The following KCNQ1 variants were observed in gnomAD, a reference collection of about 807,000 sequenced individuals.
The protein encoded by KCNQ1 is potassium voltage-gated channel subfamily KQT member 1.
Under a neutral mutation model 72.4 loss-of-function variants are expected in KCNQ1, and 49 were observed. The observed-to-expected ratio is 0.68, with a 90% CI of 0.54 to 0.86. The LOEUF is 0.86. KCNQ1 is among the 40% of genes least tolerant of loss of function. KCNQ1 has a pLI of 0.00. For synonymous variants in KCNQ1, 450 were observed against 412.6 expected (o/e 1.09, Z -1.10); for missense variants, 790 against 945.1 (o/e 0.84, Z 2.15).
At position 2,451,725 on chromosome 11, in the gene KCNQ1, C is replaced by T. The variant is rs577968130; in HGVS notation, c.386+6241C>T. Among the ~76,000 whole-genome samples, 23 of 152,308 alleles carry T rather than the reference C, an allele frequency of 1.5e-4. No homozygotes were observed. Among genetic ancestry groups the T allele is most frequent in the South Asian group, 4.1e-4 (2 of 4,826 alleles). On this transcript the variant is annotated intron_variant, in intron 1 of 15. Coordinates refer to ENST00000155840, the MANE Select transcript of KCNQ1 (RefSeq NM_000218.3). The surrounding 1 kb of genome is among the most constrained non-coding windows in gnomAD (Gnocchi z 6.4). ...GCTGACTCCAGGACAGGCCCCTGCC[C>T]GCTCTGGGACCTGGGGCCTGGGCTC...
chr11:2,571,428 C>G (rs200368609), intron 4 of KCNQ1, 25 bp downstream of exon 4: 1 of 1,591,370 alleles, frequency 6.3e-7, no homozygotes, highest in East Asian at 2.2e-5. Flanking sequence ...CAAGCTCCCC[C>G]CGCCATGCCG....
Position 2,677,518 on chromosome 11 carries a change from C to T in KCNQ1, c.1514+15437C>T, listed in dbSNP as rs1241124105. ...AATGATCCTCTCTGTGGAAGTGCTGCCAACATCCTCTGCCAAGTATAAAAG... is the reference window on the plus strand; with the variant it reads ...AATGATCCTCTCTGTGGAAGTGCTGTCAACATCCTCTGCCAAGTATAAAAG... On this transcript the variant is annotated intron_variant, in intron 11 of 15. Coordinates refer to ENST00000155840, the MANE Select transcript of KCNQ1 (RefSeq NM_000218.3). The surrounding 1 kb of genome is among the most constrained non-coding windows in gnomAD (Gnocchi z 4.5). 10 of 398,402 alleles carry T rather than the reference C, an allele frequency of 2.5e-5. No individual in the cohort carries two copies. The highest frequency in any genetic ancestry group is 2.2e-4 in the Admixed American group (5 of 22,710). 24.7% of individuals were successfully genotyped at this position (398,402 alleles called of 1,614,324 possible).
chr11:2,525,664 G>A (rs1847486763), intron 1 of KCNQ1, among the ~76,000 whole-genome samples: 1 of 152,244 alleles, frequency 6.6e-6, no homozygotes, highest in Admixed American at 6.5e-5. Context: ...CCCAAGGAGG[G>A]GTAGGGCTGC....
At chr11:2,607,824 A>G (rs796316555) in intron 10 of KCNQ1, among the ~76,000 whole-genome samples, 15 of 152,322 alleles carry the variant, frequency 9.8e-5, no homozygotes, top group African/African-American at 3.4e-4. Context: ...GTTATAATGT[A>G]TAATCCTTTT....
At chr11:2,739,261 CCT>C (rs747057899) in intron 11 of KCNQ1, among the ~76,000 whole-genome samples, 1 of 152,200 alleles carries the variant, frequency 6.6e-6, no homozygotes, top group Non-Finnish European at 1.5e-5. Flanking sequence ...CAACCCAGCC[CCT>C]GTGTGAGGTA....
chr11:2,677,246 G>T lies in KCNQ1; in HGVS notation c.1514+15165G>T. ...AAAGACAATATAAAGCACACACAAA[G>T]TAAAGAGGAACTTATAAAGAGGAAC... On this transcript the variant is annotated intron_variant, in intron 11 of 15. Transcript: ENST00000155840. This position sits in a 1 kb window ranked among gnomAD's most constrained non-coding sequence, Gnocchi z 4.5. The T allele has an allele frequency of 2.5e-6, 1 of 398,532 alleles. No individual in the cohort carries two copies. The highest frequency in any genetic ancestry group is 4.4e-6 in the Non-Finnish European group (1 of 226,044). 24.7% of individuals were successfully genotyped at this position (398,532 alleles called of 1,614,324 possible).
At position 2,676,219 on chromosome 11, in the gene KCNQ1, A is replaced by G. The variant is rs1280453884; in HGVS notation, c.1514+14138A>G. 2.5e-6 allele frequency: 1 copy of G among 398,546 alleles called. No homozygotes were observed. Among genetic ancestry groups the G allele is most frequent in the African/African-American group, 2.1e-5 (1 of 48,638 alleles). 24.7% of individuals were successfully genotyped at this position (398,546 alleles called of 1,614,324 possible). A position where few individuals can be genotyped will look rare whatever the true frequency, so the allele number is the denominator to read the frequency against. On this transcript the variant is annotated intron_variant, in intron 11 of 15. Coordinates refer to ENST00000155840, the MANE Select transcript of KCNQ1 (RefSeq NM_000218.3). This position sits in a 1 kb window ranked among gnomAD's most constrained non-coding sequence, Gnocchi z 4.2. ...ATACTTCTTTTTGAGCTGTACATAC[A>G]ATGCTGATTTATTATGGTGCAGTAC...
chr11:2,578,732 C>T (rs776130842), intron 6 of KCNQ1, among the ~76,000 whole-genome samples: 1 of 152,254 alleles, frequency 6.6e-6, no homozygotes, highest in Non-Finnish European at 1.5e-5. Flanking sequence ...TCTCCTGACT[C>T]CATCCTTAGG....
intron 11 of KCNQ1, among the ~76,000 whole-genome samples, chr11:2,742,925 C>T (rs1020131331): frequency 1.6e-4 from 25 of 152,194 alleles, no homozygotes; most frequent in African/African-American, 5.3e-4. Flanking sequence ...AAGACTGGAC[C>T]GAGAGGCCAC....
intron 11 of KCNQ1, among the ~76,000 whole-genome samples, chr11:2,739,277 A>G (rs1446127158): frequency 6.6e-6 from 1 of 152,180 alleles, no homozygotes; most frequent in African/African-American, 2.4e-5. Context: ...TGAGGTACTG[A>G]GAGCCCATCA....
At chr11:2,814,409 G>A (rs1439835450) in intron 15 of KCNQ1, among the ~76,000 whole-genome samples, 2 of 151,542 alleles carry the variant, frequency 1.3e-5, no homozygotes, top group Non-Finnish European at 2.9e-5. Context: ...ATAAAAGGAT[G>A]GTGGGTGGGT....
intron 1 of KCNQ1, among the ~76,000 whole-genome samples, chr11:2,517,274 G>A (rs545404842): frequency 3.3e-5 from 5 of 152,280 alleles, no homozygotes; most frequent in South Asian, 4.1e-4. Context: ...CTCTTGGTGC[G>A]GGGGCATCCA....
rs1847753220 is a variant in KCNQ1, at chr11:2,537,567, G to T, written c.477+9549G>T. 6.6e-6 allele frequency among the ~76,000 whole-genome samples: 1 copy of T among 151,992 alleles called. No homozygotes were observed. Among genetic ancestry groups the T allele is most frequent in the African/African-American group, 2.4e-5 (1 of 41,280 alleles). ...CTTTCTTCCTGGGTGTCTGAATTTT[G>T]ATTTAATCTCAGGCTTGTCAGAACG... On this transcript the variant is annotated intron_variant, in intron 2 of 15. Transcript: ENST00000155840. The surrounding 1 kb of genome is among the most constrained non-coding windows in gnomAD (Gnocchi z 5.2).
chr11:2,704,823 C>T lies in KCNQ1; in HGVS notation c.1514+42742C>T, dbSNP rs1452937267. On this transcript the variant is annotated intron_variant, in intron 11 of 15. Transcript: ENST00000155840. This position sits in a 1 kb window ranked among gnomAD's most constrained non-coding sequence, Gnocchi z 4.3. ...AGCCCTCAGCATCCAACAGGGGTAG[C>T]AGCCTAGTGCATGTATGACCACGAG... 6.6e-6 allele frequency among the ~76,000 whole-genome samples: 1 copy of T among 152,140 alleles called. No individual in the cohort carries two copies. The highest frequency in any genetic ancestry group is 2.4e-5 in the African/African-American group (1 of 41,428).
intron 1 of KCNQ1, among the ~76,000 whole-genome samples, chr11:2,487,246 C>A (rs1846754793): frequency 6.6e-6 from 1 of 152,128 alleles, no homozygotes; most frequent in African/African-American, 2.4e-5. Context: ...TGTCTTTTTG[C>A]CTGTGTCACA....
chr11:2,734,035 C>T lies in KCNQ1; in HGVS notation c.1515-34809C>T, dbSNP rs1845911370. Among the ~76,000 whole-genome samples the T allele has an allele frequency of 6.6e-6, 1 of 152,054 alleles. No individual in the cohort carries two copies. Among genetic ancestry groups the T allele is most frequent in the Non-Finnish European group, 1.5e-5 (1 of 68,012 alleles). On this transcript the variant is annotated intron_variant, in intron 11 of 15. Coordinates refer to ENST00000155840, the MANE Select transcript of KCNQ1 (RefSeq NM_000218.3). This position sits in a 1 kb window ranked among gnomAD's most constrained non-coding sequence, Gnocchi z 7.0. ...GTTGCGCGCTCTAAATCAGGACCAC[C>T]TTGCGGTTCTCCCAGCCCCAGCCTT... is the stretch of plus-strand genomic sequence containing the variant.
chr11:2,629,333 T>C (rs1210609267), intron 10 of KCNQ1: 3 of 398,322 alleles, frequency 7.5e-6, no homozygotes, highest in Non-Finnish European at 1.3e-5. Flanking sequence ...GCCTAAATGT[T>C]ATGCAGTCCA....
In KCNQ1 at chr11:2,670,697, ATTCT is replaced by A; in HGVS notation, c.1514+8617_1514+8620del. ...AGTGTAGCAGTAACAAGACAAAGGG[ATTCT>A]GTGGCCCATGGAGCAGGAGGGAACA... On this transcript the variant is annotated intron_variant, in intron 11 of 15. Transcript: ENST00000155840. This position sits in a 1 kb window ranked among gnomAD's most constrained non-coding sequence, Gnocchi z 4.9. The A allele has an allele frequency of 7.5e-6, 3 of 398,474 alleles. No individual in the cohort carries two copies. The highest frequency in any genetic ancestry group is 1.3e-5 in the Non-Finnish European group (3 of 226,094). 24.7% of individuals were successfully genotyped at this position (398,474 alleles called of 1,614,324 possible).
rs1849236545 is a variant in KCNQ1 at position 2,624,751 on chromosome 11, C to G, written c.1393+35897C>G. ...AACAATAATTCCCCAACCCCCCCACCACCGCCATCTCTTGGAAACCACCTT... is the reference window on the plus strand; with the variant it reads ...AACAATAATTCCCCAACCCCCCCACGACCGCCATCTCTTGGAAACCACCTT... On this transcript the variant is annotated intron_variant, in intron 10 of 15. Coordinates refer to ENST00000155840, the MANE Select transcript of KCNQ1 (RefSeq NM_000218.3). The surrounding 1 kb of genome is among the most constrained non-coding windows in gnomAD (Gnocchi z 4.9). The G allele has an allele frequency of 2.5e-6, 1 of 398,374 alleles. No individual in the cohort carries two copies. The highest frequency in any genetic ancestry group is 2.1e-5 in the African/African-American group (1 of 48,564). The allele number at this position is 398,374 out of a possible 1,614,324, so 24.7% of individuals were successfully genotyped here. A position where few individuals can be genotyped will look rare whatever the true frequency, so the allele number is the denominator to read the frequency against.
Sources: allele counts gnomAD v4.1 joint callset (sites outside exome capture counted in the v4.1 genomes callset), GRCh38; gene constraint gnomAD v4.1.1; non-coding constraint Gnocchi (gnomAD v3.1); transcripts MANE v1.5; gene names NCBI Gene and HGNC (gene_info 2026-07-23, HGNC 2026-07-21).